STRN: variants seen among roughly 807,000 people sequenced by gnomAD.
The protein encoded by STRN is protein phosphatase 2 regulatory subunit B'''alpha.
In STRN, 53 loss-of-function variants were observed where a neutral mutation model predicts 96.3. That is an observed-to-expected ratio of 0.55 (90% CI 0.44 to 0.69). STRN has a LOEUF of 0.69. Ranked by LOEUF, STRN falls within the 30% of genes least tolerant of loss-of-function variation. The pLI, the probability that STRN is intolerant of heterozygous loss-of-function variation, is 0.00. For missense variants in STRN, 987 were observed against 963.9 expected (o/e 1.02, Z -0.32); for synonymous variants, 428 against 355.9 (o/e 1.20, Z -2.28).
intron 5 of STRN, 67 bp from the exon 6 acceptor site, chr2:36,899,725 A>G: frequency 7.2e-7 from 1 of 1,383,006 alleles, no homozygotes; most frequent in South Asian, 1.5e-5. Context: ...GTAACCCATG[A>G]TATGTTACAT....
chr2:36,906,881 G>A (rs1453304638), intron 3 of STRN, among the ~76,000 whole-genome samples: 9 of 151,302 alleles, frequency 5.9e-5, no homozygotes, highest in Middle Eastern at 3.4e-3. Flanking sequence ...AGATGATTGC[G>A]CCATTGCACT....
intron 3 of STRN, among the ~76,000 whole-genome samples, chr2:36,907,335 G>C (rs1669847838): frequency 6.6e-6 from 1 of 152,156 alleles, no homozygotes; most frequent in African/African-American, 2.4e-5. Context: ...GGATCACAAG[G>C]TCAGGAGACA....
chr2:36,956,770 G>A (rs539287444), intron 1 of STRN, among the ~76,000 whole-genome samples: 2 of 152,242 alleles, frequency 1.3e-5, no homozygotes, highest in South Asian at 2.1e-4. Flanking sequence ...GGACTAAATA[G>A]GCACATCTCT....
In STRN at chr2:36,851,163, A is replaced by G; in HGVS notation, c.1979-56T>C. The G allele has an allele frequency of 2.8e-6, 4 of 1,440,406 alleles. No homozygotes were observed. The South Asian group carries it at 4.6e-5, about 17-fold the overall frequency. 89.2% of individuals were successfully genotyped at this position (1,440,406 alleles called of 1,614,324 possible). On this transcript the variant is annotated intron_variant, in intron 15 of 17. Coordinates refer to ENST00000263918, the MANE Select transcript of STRN (RefSeq NM_003162.4). ...CTTAGTCAAAGATATTTTTCACACA[A>G]AGGAGAACTGAATTATCTATCTAAG...
Position 36,861,259 on chromosome 2 carries a change from A to G in STRN, c.1548-6T>C. On this transcript the variant is annotated splice_polypyrimidine_tract_variant and splice_region_variant and intron_variant, in intron 12 of 17. Transcript: ENST00000263918. ...CCACACAAAGCACTGGACCTCTGGGAGATTAAAAAAAATAAATCAACTGCT... is the reference window on the plus strand; with the variant it reads ...CCACACAAAGCACTGGACCTCTGGGGGATTAAAAAAAATAAATCAACTGCT... 1 of 1,607,010 alleles carries G rather than the reference A, an allele frequency of 6.2e-7. No individual in the cohort carries two copies. Among genetic ancestry groups the G allele is most frequent in the Non-Finnish European group, 8.5e-7 (1 of 1,178,084 alleles).
At chr2:36,936,211 T>A (rs1670696646) in intron 1 of STRN, among the ~76,000 whole-genome samples, 1 of 152,182 alleles carries the variant, frequency 6.6e-6, no homozygotes, top group Non-Finnish European at 1.5e-5. Context: ...CTGTAAGCAA[T>A]CAGTTGTCTG....
At chr2:36,964,900 C>A (rs1292318573) in intron 1 of STRN, among the ~76,000 whole-genome samples, 1 of 152,316 alleles carries the variant, frequency 6.6e-6, no homozygotes. Context: ...ACACAGCTGG[C>A]ACTCAATACA....
chr2:36,953,780 C>A (rs532381601), intron 1 of STRN, among the ~76,000 whole-genome samples: 21 of 152,282 alleles, frequency 1.4e-4, no homozygotes, highest in African/African-American at 3.4e-4. Flanking sequence ...TGCATAAGAG[C>A]AAATACACAG....
chr2:36,894,685 C>T (rs1374067853), intron 6 of STRN, among the ~76,000 whole-genome samples: 3 of 152,188 alleles, frequency 2.0e-5, no homozygotes, highest in Non-Finnish European at 1.5e-5. Context: ...TTTCTCTAGA[C>T]TTCAGCTTAC....
At chr2:36,947,286 T>C (rs1664599740) in intron 1 of STRN, among the ~76,000 whole-genome samples, 1 of 152,118 alleles carries the variant, frequency 6.6e-6, no homozygotes, top group Non-Finnish European at 1.5e-5. Flanking sequence ...AATAACTACC[T>C]GAGTTTCAAC....
At position 36,891,247 on chromosome 2, in the gene STRN, A is replaced by AC. The variant is rs1264784915; in HGVS notation, c.931+2650dup. Among the ~76,000 whole-genome samples, 5 of 152,230 alleles carry AC rather than the reference A, an allele frequency of 3.3e-5. No individual in the cohort carries two copies. In the East Asian group the frequency reaches 9.6e-4, roughly 29 times the overall value. On this transcript the variant is annotated intron_variant, in intron 7 of 17. Coordinates refer to ENST00000263918, the MANE Select transcript of STRN (RefSeq NM_003162.4). ...GTCATTAAAAGATTCAACAAATGGG[A>AC]CAGGCCTAGTGGCTCATACCTGTAA...
Position 36,964,183 on chromosome 2 carries a change from G to GGT in STRN, c.234+2046_234+2047insAC, listed in dbSNP as rs1553408135. On this transcript the variant is annotated intron_variant, in intron 1 of 17. Transcript: ENST00000263918. ...CGAGGAGAGGGAGTGAACGGGGCGG[G>GGT]GCGGGGGGAAGGATGGGTTGGAATT... is the stretch of plus-strand genomic sequence containing the variant. Among the ~76,000 whole-genome samples the GGT allele has an allele frequency of 3.8e-5, 5 of 132,778 alleles. 1 individual carries two copies. The East Asian group carries it at 1.1e-3, about 28-fold the overall frequency. 87.1% of individuals were successfully genotyped at this position (132,778 alleles called of 152,430 possible).
chr2:36,877,139 T>C (rs1230339536), intron 10 of STRN, among the ~76,000 whole-genome samples: 1 of 152,222 alleles, frequency 6.6e-6, no homozygotes, highest in Non-Finnish European at 1.5e-5. Flanking sequence ...AAATCTCTGA[T>C]GGGTCAGCCT....
In STRN at chr2:36,842,765, A is replaced by T. The variant is rs1049713427; in HGVS notation, c.*6691T>A. 6.6e-6 allele frequency among the ~76,000 whole-genome samples: 1 copy of T among 152,170 alleles called. No individual in the cohort carries two copies. Among genetic ancestry groups the T allele is most frequent in the Non-Finnish European group, 1.5e-5 (1 of 68,038 alleles). On this transcript the variant is annotated 3_prime_UTR_variant, in exon 18 of 18. Coordinates refer to ENST00000263918, the MANE Select transcript of STRN (RefSeq NM_003162.4). ...TGATATACAAAACTTACTGAGTTAAAATTTGTGTTTCAGAAAACGGATTCC... is the reference window on the plus strand; with the variant it reads ...TGATATACAAAACTTACTGAGTTAATATTTGTGTTTCAGAAAACGGATTCC...
rs1328208165 is a variant in STRN at position 36,848,416 on chromosome 2, G to C, written c.*1040C>G. 1 of 152,136 alleles carries C rather than the reference G, an allele frequency of 6.6e-6. No homozygotes were observed. Among genetic ancestry groups the C allele is most frequent in the Non-Finnish European group, 1.5e-5 (1 of 68,024 alleles). The allele number at this position is 152,136 out of a possible 1,614,324, so 9.4% of individuals were successfully genotyped here. ...TACTCTTTGGGCTATTAATAATTAT[G>C]AACTGTTCTTGGTAGATGTCAGATA... On this transcript the variant is annotated 3_prime_UTR_variant, in exon 18 of 18. Transcript: ENST00000263918.
intron 2 of STRN, among the ~76,000 whole-genome samples, chr2:36,923,859 T>A (rs1670328878): frequency 6.6e-6 from 1 of 152,198 alleles, no homozygotes; most frequent in East Asian, 1.9e-4. Context: ...GAACTCAGAT[T>A]GTCGACAAAA....
At chr2:36,936,727 T>A (rs1299021306) in intron 1 of STRN, among the ~76,000 whole-genome samples, 2 of 152,152 alleles carry the variant, frequency 1.3e-5, no homozygotes, top group African/African-American at 4.8e-5. Context: ...ATCTTATGAG[T>A]CAGCAAGTTA....
At chr2:36,929,675 G>T (rs1385076243) in intron 1 of STRN, among the ~76,000 whole-genome samples, 1 of 152,142 alleles carries the variant, frequency 6.6e-6, no homozygotes. Context: ...GAGCCACCAC[G>T]CCCAGCCTTA....
chr2:36,965,352 T>C (rs3770774), intron 1 of STRN, among the ~76,000 whole-genome samples: 89,798 of 152,114 alleles, frequency 0.59, 28,135 homozygotes, highest in African/African-American at 0.81. Flanking sequence ...TCTGAATGGC[T>C]TGTAAAGTAT....
Sources: gnomAD v4.1 joint callset for allele counts (sites outside exome capture counted in the v4.1 genomes callset) on GRCh38, gnomAD v4.1.1 for gene constraint, MANE v1.5 for transcripts, NCBI Gene and HGNC (gene_info 2026-07-23, HGNC 2026-07-21) for gene names.